The following KIF5B variants were observed in gnomAD, a reference collection of about 807,000 sequenced individuals.
KIF5B encodes kinesin family member 5B.
KIF5B carries 49 observed loss-of-function variants against 132.8 expected under a neutral mutation model. The ratio of observed to expected loss-of-function variants is 0.37; its 90% CI spans 0.29 to 0.47. KIF5B has a LOEUF of 0.47. Among genes scored for constraint, KIF5B ranks in the 20% least tolerant of loss-of-function variants. The pLI is 1.00. For synonymous variants in KIF5B, 355 were observed against 369.4 expected (o/e 0.96, Z 0.45); for missense variants, 780 against 1,144.0 (o/e 0.68, Z 4.59).
chr10:32,042,272 A>G (rs1055659126), intron 2 of KIF5B, among the ~76,000 whole-genome samples: 14 of 152,182 alleles, frequency 9.2e-5, no homozygotes, highest in Non-Finnish European at 1.5e-4. Context: ...TATTAATGAG[A>G]AAAAAAGACA....
At chr10:32,041,214 G>C (rs1841534487) in intron 2 of KIF5B, among the ~76,000 whole-genome samples, 1 of 150,152 alleles carries the variant, frequency 6.7e-6, no homozygotes, top group Non-Finnish European at 1.5e-5. Context: ...TTTTCTTTAT[G>C]CTAATATGAA....
chr10:32,014,825 A>G (rs1841135845), intron 25 of KIF5B, among the ~76,000 whole-genome samples: 1 of 152,200 alleles, frequency 6.6e-6, no homozygotes, highest in African/African-American at 2.4e-5. Flanking sequence ...GTTAGGGAAT[A>G]CAAGGAGATG....
At chr10:32,052,585 G>C (rs920912235) in intron 1 of KIF5B, among the ~76,000 whole-genome samples, 5 of 151,944 alleles carry the variant, frequency 3.3e-5, no homozygotes, top group African/African-American at 1.2e-4. Context: ...TTTTTTTATT[G>C]ATTTTTCTTC....
chr10:32,031,747 C>A (rs112027629), intron 13 of KIF5B, among the ~76,000 whole-genome samples: 1 of 150,168 alleles, frequency 6.7e-6, no homozygotes, highest in Admixed American at 6.7e-5. Flanking sequence ...GCCTGTAATC[C>A]CAGCATTTTG....
At chr10:32,033,791 A>G in intron 12 of KIF5B, 54 bp downstream of exon 12, 1 of 1,204,542 alleles carries the variant, frequency 8.3e-7, no homozygotes, top group South Asian at 1.4e-5. Context: ...AAATAAAAAC[A>G]CCCATGTCAA....
Position 32,052,002 on chromosome 10 carries a change from C to T in KIF5B, c.127-3451G>A, listed in dbSNP as rs377561487. 2.0e-4 allele frequency among the ~76,000 whole-genome samples: 31 copies of T among 152,258 alleles called. No individual in the cohort carries two copies. The East Asian group carries it at 5.0e-3, about 25-fold the overall frequency. ...TTCAATATTACTAGTAACTCCAAGTCACAAGATGCATTCACGTCTGATTGA... is the reference window on the plus strand; with the variant it reads ...TTCAATATTACTAGTAACTCCAAGTTACAAGATGCATTCACGTCTGATTGA... On this transcript the variant is annotated intron_variant, in intron 1 of 25. Transcript: ENST00000302418.
At chr10:32,017,523 T>C (rs1231353038) in intron 23 of KIF5B, among the ~76,000 whole-genome samples, 164 bp from the exon 24 acceptor site, 3 of 152,230 alleles carry the variant, frequency 2.0e-5, no homozygotes, top group Non-Finnish European at 4.4e-5. Context: ...CATCTATACA[T>C]AGCGTGCACA....
At chr10:32,031,036 C>A in intron 14 of KIF5B, 37 bp downstream of exon 14, 1 of 1,435,208 alleles carries the variant, frequency 7.0e-7, no homozygotes, top group Non-Finnish European at 9.7e-7. Context: ...AATACTTGTA[C>A]TAAAGCATTA....
intron 17 of KIF5B, among the ~76,000 whole-genome samples, chr10:32,021,505 G>GT (rs58363319): frequency 0.23 from 32,316 of 140,464 alleles, 3,773 homozygotes; most frequent in Non-Finnish European, 0.28. Context: ...GGTTTGTTTG[G>GT]TTTTTTTTTT....
At chr10:32,042,620 A>G (rs1841557818) in intron 2 of KIF5B, among the ~76,000 whole-genome samples, 1 of 152,190 alleles carries the variant, frequency 6.6e-6, no homozygotes, top group African/African-American at 2.4e-5. Flanking sequence ...TGCTTGCTGA[A>G]TATTTATTAC....
At chr10:32,048,375 A>G (rs1490375441) in intron 2 of KIF5B, 89 bp downstream of exon 2, 4 of 844,046 alleles carry the variant, frequency 4.7e-6, no homozygotes, top group Non-Finnish European at 7.6e-6. Context: ...AAGGGGCATT[A>G]AAATGAAAAA....
At chr10:32,023,246 A>G (rs2132588217) in intron 15 of KIF5B, among the ~76,000 whole-genome samples, 1 of 152,340 alleles carries the variant, frequency 6.6e-6, no homozygotes, top group South Asian at 2.1e-4. Context: ...TTAAAAACTG[A>G]GAATAATGTT....
At chr10:32,030,726 G>A (rs1301081178) in intron 14 of KIF5B, among the ~76,000 whole-genome samples, 1 of 152,018 alleles carries the variant, frequency 6.6e-6, no homozygotes, top group Non-Finnish European at 1.5e-5. Flanking sequence ...TCATCTAATA[G>A]CTTTATTGGG....
At chr10:32,038,298 G>C (rs1408892655) in intron 5 of KIF5B, 80 bp from the exon 6 acceptor site, 4 of 977,016 alleles carry the variant, frequency 4.1e-6, no homozygotes, top group Non-Finnish European at 4.9e-6. Flanking sequence ...AGGCTTTCCT[G>C]AGCAGCCTAA....
chr10:32,042,951 A>G lies in KIF5B; in HGVS notation c.215-2494T>C, dbSNP rs373111665. ...AGGTTCTAACCATTTTTTATATATT[A>G]TTGTATTTAATCATCACAAAACCCC... On this transcript the variant is annotated intron_variant, in intron 2 of 25. Coordinates refer to ENST00000302418, the MANE Select transcript of KIF5B (RefSeq NM_004521.3). Among the ~76,000 whole-genome samples, 29 of 152,176 alleles carry G rather than the reference A, an allele frequency of 1.9e-4. 1 individual carries two copies. In the East Asian group the frequency reaches 4.1e-3, roughly 21 times the overall value.
intron 25 of KIF5B, among the ~76,000 whole-genome samples, chr10:32,012,011 T>C (rs1841090132): frequency 6.6e-6 from 1 of 152,128 alleles, no homozygotes; most frequent in Admixed American, 6.5e-5. Context: ...ATAATTCTAG[T>C]AGTATTAAAC....
chr10:32,013,377 A>C (rs1393638585), intron 25 of KIF5B, among the ~76,000 whole-genome samples: 1 of 152,224 alleles, frequency 6.6e-6, no homozygotes, highest in African/African-American at 2.4e-5. Context: ...TGCTGAGTCT[A>C]ATCAATGCTT....
At chr10:32,039,652 A>T (rs944404057) in intron 3 of KIF5B, among the ~76,000 whole-genome samples, 1 of 152,140 alleles carries the variant, frequency 6.6e-6, no homozygotes, top group Non-Finnish European at 1.5e-5. Context: ...TCATTTAATC[A>T]CTAGATTTAG....
At position 32,015,618 on chromosome 10, in the gene KIF5B, T is replaced by C. The variant is rs895903322; in HGVS notation, c.2803A>G (p.Thr935Ala). ...RPGQHPAASP[T>A]HPSAIRGGGA... The stretch of plus-strand genomic sequence containing the variant: ...CCTCCACGAATTGCACTTGGGTGAG[T>C]TGGAGAAGCTGCTGGATGTTGCCCG... Residue 935 changes from threonine (T) to alanine (A), a missense_variant, in exon 25 of 26, where the codon ACT (threonine) becomes GCT (alanine). By Grantham distance (58) the Thr-to-Ala change is moderately conservative. Coordinates refer to ENST00000302418, the MANE Select transcript of KIF5B (RefSeq NM_004521.3). The C allele has an allele frequency of 3.7e-6, 6 of 1,613,492 alleles. No individual in the cohort carries two copies. The African/African-American group carries it at 4.0e-5, about 11-fold the overall frequency.
Sources: allele counts gnomAD v4.1 joint callset (sites outside exome capture counted in the v4.1 genomes callset), GRCh38; gene constraint gnomAD v4.1.1; transcripts MANE v1.5; gene names NCBI Gene and HGNC (gene_info 2026-07-23, HGNC 2026-07-21).